Variants in NRXN1 observed in about 807,000 individuals in gnomAD.
NRXN1 encodes the protein neurexin-1.
In NRXN1, 39 loss-of-function variants were observed where a neutral mutation model predicts 150.9. The ratio of observed to expected loss-of-function variants is 0.26; its 90% CI spans 0.20 to 0.34. The LOEUF is 0.34. Among genes scored for constraint, NRXN1 ranks in the 10% least tolerant of loss-of-function variants. The pLI is 1.00. For missense variants in NRXN1, 1,815 were observed against 1,949.9 expected (o/e 0.93, Z 1.30); for synonymous variants, 924 against 757.0 (o/e 1.22, Z -3.62).
At chr2:50,519,734 A>C (rs1478976276) in intron 12 of NRXN1, among the ~76,000 whole-genome samples, 3 of 151,872 alleles carry the variant, frequency 2.0e-5, no homozygotes, top group Non-Finnish European at 4.4e-5. Flanking sequence ...GGCTATTCAA[A>C]TCTGGTTTAT....
intron 18 of NRXN1, among the ~76,000 whole-genome samples, chr2:50,100,319 T>C (rs1346912330): frequency 6.6e-6 from 1 of 151,902 alleles, no homozygotes; most frequent in African/African-American, 2.4e-5. Flanking sequence ...GGTCGTAAAG[T>C]GAGAAAAAGG....
chr2:50,723,382 A>C (rs974302733), intron 5 of NRXN1, among the ~76,000 whole-genome samples: 3 of 152,208 alleles, frequency 2.0e-5, no homozygotes, highest in African/African-American at 7.2e-5. Context: ...CAAAATGCCC[A>C]GGTCTGTTTT....
rs1558617962 is a variant in NRXN1, at chr2:51,028,277, C to T, written c.-4G>A. 6.9e-7 allele frequency: 1 copy of T among 1,439,306 alleles called. No homozygotes were observed. The highest frequency in any genetic ancestry group is 9.1e-7 in the Non-Finnish European group (1 of 1,101,592). 89.2% of individuals were successfully genotyped at this position (1,439,306 alleles called of 1,614,324 possible). ...GCTGGAGCAGCGCCGTCCCCATGCT[C>T]GGGGCTGGGGTGCGGCGGGGGGGTG... On this transcript the variant is annotated 5_prime_UTR_variant, in exon 2 of 23. Transcript: ENST00000401669.
chr2:51,001,060 G>C (rs546634297), intron 2 of NRXN1, among the ~76,000 whole-genome samples: 1 of 152,078 alleles, frequency 6.6e-6, no homozygotes, highest in Non-Finnish European at 1.5e-5. Context: ...GAAGGCTAAA[G>C]AGAATTAGAA....
At position 50,071,077 on chromosome 2, in the gene NRXN1, G is replaced by A. The variant is rs1696227087; in HGVS notation, c.3719-16033C>T. On this transcript the variant is annotated intron_variant, in intron 19 of 22. Coordinates refer to ENST00000401669, the MANE Select transcript of NRXN1 (RefSeq NM_001330078.2). ...ATTACTAAGGACAATTGGAATTGAT[G>A]CACACACATGTTCTTCTCCATCTTT... Among the ~76,000 whole-genome samples the A allele has an allele frequency of 2.0e-5, 3 of 152,172 alleles. No individual in the cohort carries two copies. The South Asian group carries it at 6.2e-4, about 32-fold the overall frequency.
At chr2:50,275,500 A>G (rs1338950015) in intron 17 of NRXN1, among the ~76,000 whole-genome samples, 1 of 151,866 alleles carries the variant, frequency 6.6e-6, no homozygotes, top group Non-Finnish European at 1.5e-5. Context: ...AGTTTCAGAC[A>G]GAAAAAAAAA....
chr2:50,729,737 C>G (rs1269245942), intron 5 of NRXN1, among the ~76,000 whole-genome samples: 1 of 152,132 alleles, frequency 6.6e-6, no homozygotes, highest in Non-Finnish European at 1.5e-5. Context: ...TATCTGACAC[C>G]CAAAATTCAC....
intron 18 of NRXN1, among the ~76,000 whole-genome samples, chr2:50,095,512 T>A (rs560671762): frequency 4.6e-5 from 7 of 152,294 alleles, no homozygotes; most frequent in African/African-American, 1.7e-4. Context: ...CCTATTTTCA[T>A]CAGAGTATTA....
chr2:50,261,610 T>G (rs1356480331), intron 17 of NRXN1, among the ~76,000 whole-genome samples: 1 of 151,936 alleles, frequency 6.6e-6, no homozygotes. Context: ...GTGTGTTAAA[T>G]TTTTAAATAA....
intron 5 of NRXN1, among the ~76,000 whole-genome samples, chr2:50,837,607 T>C (rs1486592267): frequency 6.6e-6 from 1 of 152,114 alleles, no homozygotes; most frequent in Non-Finnish European, 1.5e-5. Flanking sequence ...AGTGAAAAAT[T>C]AAATCAATAT....
In NRXN1 at chr2:50,981,732, C is replaced by A. The variant is rs117024056; in HGVS notation, c.772+45770G>T. On this transcript the variant is annotated intron_variant, in intron 2 of 22. Transcript: ENST00000401669. Reference sequence around the variant, plus strand: ...TAGAAAATGAAATGATAACCACCAACAAAGGGATTCTGCAGCTGAGTATGG... The same window carrying A: ...TAGAAAATGAAATGATAACCACCAAAAAAGGGATTCTGCAGCTGAGTATGG... 7.4e-4 allele frequency among the ~76,000 whole-genome samples: 113 copies of A among 151,900 alleles called. 1 individual carries two copies. In the East Asian group the frequency reaches 0.02, roughly 27 times the overall value.
intron 18 of NRXN1, among the ~76,000 whole-genome samples, chr2:50,202,619 C>G: frequency 6.6e-6 from 1 of 152,084 alleles, no homozygotes; most frequent in East Asian, 1.9e-4. Context: ...TTTTCTGGGA[C>G]CACTGGTACT....
At chr2:50,362,485 C>G (rs911870990) in intron 17 of NRXN1, among the ~76,000 whole-genome samples, 5 of 152,108 alleles carry the variant, frequency 3.3e-5, no homozygotes, top group African/African-American at 1.2e-4. Context: ...AACTCCCACT[C>G]ACTCACAATT....
At chr2:50,960,469 G>A (rs1409935451) in intron 2 of NRXN1, among the ~76,000 whole-genome samples, 1 of 151,730 alleles carries the variant, frequency 6.6e-6, no homozygotes, top group Non-Finnish European at 1.5e-5. Context: ...CTAAATAATG[G>A]AGGCTTAAAA....
rs559987885 is a variant in NRXN1 at position 51,020,296 on chromosome 2, A to G, written c.772+7206T>C. ...ACAGAATTATATCGTATGCACTCAT[A>G]TAATTGCTGCCTTAAAGCACTTATT... On this transcript the variant is annotated intron_variant, in intron 2 of 22. Coordinates refer to ENST00000401669, the MANE Select transcript of NRXN1 (RefSeq NM_001330078.2). 3.3e-5 allele frequency among the ~76,000 whole-genome samples: 5 copies of G among 151,746 alleles called. No homozygotes were observed. The East Asian group carries it at 9.7e-4, about 29-fold the overall frequency.
chr2:50,582,428 C>A (rs1299284907), intron 8 of NRXN1, among the ~76,000 whole-genome samples: 2 of 138,338 alleles, frequency 1.4e-5, no homozygotes, highest in Non-Finnish European at 3.0e-5. Context: ...TTGCAGTGAG[C>A]CGCGACTGTG....
intron 17 of NRXN1, among the ~76,000 whole-genome samples, chr2:50,441,400 T>C (rs1465113160): frequency 6.6e-6 from 1 of 152,184 alleles, no homozygotes; most frequent in Non-Finnish European, 1.5e-5. Flanking sequence ...ATTTCTTGTA[T>C]GTCTTAAAAT....
At chr2:50,502,497 CGAGTCATGG>C (rs1020409013) in intron 13 of NRXN1, among the ~76,000 whole-genome samples, 2 of 151,906 alleles carry the variant, frequency 1.3e-5, no homozygotes, top group Non-Finnish European at 2.9e-5. Flanking sequence ...CACACACACA[CGAGTCATGG>C]TTAACCCCTG....
intron 17 of NRXN1, among the ~76,000 whole-genome samples, chr2:50,397,989 T>G (rs1049236050): frequency 3.3e-5 from 5 of 152,156 alleles, no homozygotes; most frequent in Non-Finnish European, 5.9e-5. Context: ...TTACAGATAA[T>G]GTGAATACAT....
Sources: gnomAD v4.1 joint callset for allele counts (sites outside exome capture counted in the v4.1 genomes callset) on GRCh38, gnomAD v4.1.1 for gene constraint, MANE v1.5 for transcripts, NCBI Gene and HGNC (gene_info 2026-07-23, HGNC 2026-07-21) for gene names.